DGKD: variants seen among roughly 807,000 people sequenced by gnomAD.
The protein encoded by DGKD is diacylglycerol kinase delta.
Under a neutral mutation model 154.4 loss-of-function variants are expected in DGKD, and 68 were observed. The observed-to-expected ratio is 0.44, with a 90% CI of 0.36 to 0.54. The LOEUF is 0.54. Ranked by LOEUF, DGKD falls within the 20% of genes least tolerant of loss-of-function variation. The pLI, the probability that DGKD is intolerant of heterozygous loss-of-function variation, is 0.00. For synonymous variants in DGKD, 693 were observed against 638.0 expected (o/e 1.09, Z -1.30); for missense variants, 1,343 against 1,593.6 (o/e 0.84, Z 2.68).
chr2:233,430,802 T>C (rs867381344), intron 3 of DGKD, among the ~76,000 whole-genome samples: 5 of 152,204 alleles, frequency 3.3e-5, no homozygotes, highest in Admixed American at 6.5e-5. Flanking sequence ...GAACTCTTTT[T>C]CCCCCACATG....
chr2:233,424,116 G>A (rs763640240), intron 3 of DGKD, among the ~76,000 whole-genome samples: 6 of 152,174 alleles, frequency 3.9e-5, no homozygotes, highest in Non-Finnish European at 7.3e-5. Flanking sequence ...CTGCTCGCTC[G>A]TCATGACCGT....
intron 1 of DGKD, among the ~76,000 whole-genome samples, chr2:233,384,280 A>G (rs550800749): frequency 6.6e-6 from 1 of 152,052 alleles, no homozygotes; most frequent in African/African-American, 2.4e-5. Context: ...ATTGGACATC[A>G]CTGATGCGAT....
At position 233,471,950 on chromosome 2, in the gene DGKD, C is replaced by CT. The variant is rs1366395156; in HGVS notation, c.*2492dup. On this transcript the variant is annotated 3_prime_UTR_variant, in exon 30 of 30. Transcript: ENST00000264057. ...AAAGGTTCTGTGCCCTCAGGTGGGG[C>CT]TTACCCCCTCGTATTTATAATCTTA... 2 of 152,410 alleles carry CT rather than the reference C, an allele frequency of 1.3e-5. No homozygotes were observed. The highest frequency in any genetic ancestry group is 3.7e-4 in the East Asian group (2 of 5,340). 9.4% of individuals were successfully genotyped at this position (152,410 alleles called of 1,614,324 possible). A position where few individuals can be genotyped will look rare whatever the true frequency, so the allele number is the denominator to read the frequency against.
intron 9 of DGKD, among the ~76,000 whole-genome samples, chr2:233,439,205 C>T (rs1026626260): frequency 3.9e-5 from 6 of 152,204 alleles, no homozygotes; most frequent in African/African-American, 1.4e-4. Context: ...CCAGGATACC[C>T]GTAGTGGGAA....
chr2:233,386,805 A>G (rs1307401804), intron 1 of DGKD, among the ~76,000 whole-genome samples: 1 of 152,200 alleles, frequency 6.6e-6, no homozygotes, highest in Non-Finnish European at 1.5e-5. Context: ...GTCAGTGCCA[A>G]AAGCAGAGTT....
intron 3 of DGKD, among the ~76,000 whole-genome samples, chr2:233,423,335 C>T (rs1358380569): frequency 2.0e-5 from 3 of 152,050 alleles, no homozygotes; most frequent in East Asian, 1.9e-4. Context: ...ACTGCCAAAC[C>T]GTTTTGCAGA....
chr2:233,448,127 A>AC lies in DGKD; in HGVS notation c.1462dup (p.Leu488ProfsTer3). 1 of 1,613,792 alleles carries AC rather than the reference A, an allele frequency of 6.2e-7. No individual in the cohort carries two copies. Among genetic ancestry groups the AC allele is most frequent in the Non-Finnish European group, 8.5e-7 (1 of 1,179,956 alleles). ...TTCTATGAAGACTCGGTTGCAGCCC[A>AC]CCTTTCTAAAATCCTCACCTCGGAC... On this transcript the variant is annotated frameshift_variant, in exon 13 of 30. Transcript: ENST00000264057. LOFTEE classifies it high-confidence loss of function.
At chr2:233,455,668 G>A (rs573207339) in intron 19 of DGKD, among the ~76,000 whole-genome samples, 2 of 152,226 alleles carry the variant, frequency 1.3e-5, no homozygotes, top group African/African-American at 4.8e-5. Flanking sequence ...TGGAGTCTTC[G>A]TCCGCTGAGT....
In DGKD at chr2:233,438,401, T is replaced by C. The variant is rs2062769017; in HGVS notation, c.1085+22T>C. ...TCGGGTAGGAAGCTTGTAAAATATA[T>C]CTTTCTTGGAGTTTTAAAAATTGTG... On this transcript the variant is annotated intron_variant, in intron 9 of 29. Transcript: ENST00000264057. This position sits in a 1 kb window ranked among gnomAD's most constrained non-coding sequence, Gnocchi z 4.1. 1.3e-6 allele frequency: 2 copies of C among 1,593,746 alleles called. No individual in the cohort carries two copies. The highest frequency in any genetic ancestry group is 4.5e-5 in the East Asian group (2 of 44,472).
In DGKD at chr2:233,357,625, C is replaced by T. The variant is rs181173448; in HGVS notation, c.156+2951C>T. ...CGATCTCAGCTACGGCAACCTTTGCCTCCTGGGCTTAAGTGATTTTCCTGC... is the reference window on the plus strand; with the variant it reads ...CGATCTCAGCTACGGCAACCTTTGCTTCCTGGGCTTAAGTGATTTTCCTGC... On this transcript the variant is annotated intron_variant, in intron 1 of 29. Transcript: ENST00000264057. Among the ~76,000 whole-genome samples the T allele has an allele frequency of 2.3e-3, 343 of 151,390 alleles. 2 individuals carry two copies. The highest frequency in any genetic ancestry group is 7.3e-3 in the African/African-American group (300 of 41,188).
intron 24 of DGKD, among the ~76,000 whole-genome samples, 189 bp from the exon 25 acceptor site, chr2:233,462,159 T>C (rs1053987840): frequency 2.0e-5 from 3 of 152,242 alleles, no homozygotes; most frequent in Admixed American, 6.5e-5. Context: ...TCCCATTTGC[T>C]GTGGGTCATC....
At chr2:233,357,602 A>T (rs1394290684) in intron 1 of DGKD, among the ~76,000 whole-genome samples, 1 of 144,958 alleles carries the variant, frequency 6.9e-6, no homozygotes, top group Non-Finnish European at 1.5e-5. Flanking sequence ...CAGTGGTGCG[A>T]TCTCAGCTAC....
In DGKD at chr2:233,458,362, C is replaced by T. The variant is rs1327372082; in HGVS notation, c.2659C>T (p.Arg887Ter). ...VFGSMQMAVS[R>*]VIRLQHHRIA... Reference sequence around the variant, plus strand: ...CGGCAGCATGCAGATGGCCGTCTCTCGAGTCATCAGGCTACAGCATCATCG... The same window carrying T: ...CGGCAGCATGCAGATGGCCGTCTCTTGAGTCATCAGGCTACAGCATCATCG... The change falls in exon 22 of 30, where the codon CGA becomes TGA. Residue 887 changes from arginine (R) to a stop codon, truncating the protein, a stop_gained. Transcript: ENST00000264057. LOFTEE classifies it high-confidence loss of function. This position sits in a 1 kb window ranked among gnomAD's most constrained non-coding sequence, Gnocchi z 6.6. 4.3e-6 allele frequency: 7 copies of T among 1,611,448 alleles called. No individual in the cohort carries two copies. Among genetic ancestry groups the T allele is most frequent in the African/African-American group, 1.3e-5 (1 of 74,926 alleles).
chr2:233,384,205 G>A (rs984977734), intron 1 of DGKD, among the ~76,000 whole-genome samples: 2 of 152,076 alleles, frequency 1.3e-5, no homozygotes, highest in South Asian at 2.1e-4. Flanking sequence ...GCAGGTCCTC[G>A]GTGACCCCCT....
chr2:233,363,637 C>A (rs1257438718), intron 1 of DGKD, among the ~76,000 whole-genome samples: 1 of 152,212 alleles, frequency 6.6e-6, no homozygotes, highest in Non-Finnish European at 1.5e-5. Flanking sequence ...TTCACTCACT[C>A]ATCCAGAGCA....
intron 1 of DGKD, among the ~76,000 whole-genome samples, chr2:233,377,078 CTTTTTTT>C (rs755610624): frequency 2.3e-5 from 3 of 129,310 alleles, no homozygotes; most frequent in Non-Finnish European, 3.3e-5. Context: ...TAGCATGTTC[CTTTTTTT>C]TTTTTTTTTT....
chr2:233,395,912 G>C (rs1703991845), intron 3 of DGKD, among the ~76,000 whole-genome samples: 1 of 152,020 alleles, frequency 6.6e-6, no homozygotes. Flanking sequence ...CAAGCTTTGT[G>C]TATTACTGAG....
intron 3 of DGKD, among the ~76,000 whole-genome samples, chr2:233,420,616 G>C (rs910505606): frequency 3.3e-5 from 5 of 152,202 alleles, no homozygotes; most frequent in Non-Finnish European, 5.9e-5. Flanking sequence ...TATCAGACTG[G>C]ACAGCCACAG....
chr2:233,419,532 T>G, intron 3 of DGKD: 1 of 774,354 alleles, frequency 1.3e-6, no homozygotes, highest in Non-Finnish European at 1.6e-6. Context: ...TGTAAGATGC[T>G]CCAGAGGGTT....
Sources: gnomAD v4.1 joint callset for allele counts (sites outside exome capture counted in the v4.1 genomes callset) on GRCh38, gnomAD v4.1.1 for gene constraint, Gnocchi (gnomAD v3.1) non-coding constraint, MANE v1.5 for transcripts, NCBI Gene and HGNC (gene_info 2026-07-23, HGNC 2026-07-21) for gene names.